The following SMYD3 variants were observed in gnomAD, a reference collection of about 807,000 sequenced individuals.
The protein encoded by SMYD3 is histone-lysine N-methyltransferase SMYD3.
Under a neutral mutation model 57.7 loss-of-function variants are expected in SMYD3, and 36 were observed. The observed-to-expected ratio is 0.62, with a 90% CI of 0.48 to 0.82. The LOEUF (loss-of-function observed/expected upper bound fraction) is 0.82. Ranked by LOEUF, SMYD3 falls within the 40% of genes least tolerant of loss-of-function variation. The probability of loss-of-function intolerance (pLI) is 0.00; values close to 1 mark genes in which losing one functional copy is unlikely to be tolerated. For missense variants in SMYD3, 515 were observed against 538.8 expected, an observed-to-expected ratio of 0.96 and a Z score of 0.44; for synonymous variants, 211 against 195.0, an observed-to-expected ratio of 1.08 and a Z score of -0.68.
chr1:246,459,510 TGC>T (rs1233057757), intron 1 of SMYD3, among the ~76,000 whole-genome samples: 2 of 152,126 alleles, frequency 1.3e-5, no homozygotes, highest in Non-Finnish European at 2.9e-5. Context: ...TATTTGAAAG[TGC>T]GTGGCACGTC....
intron 5 of SMYD3, among the ~76,000 whole-genome samples, chr1:246,123,491 C>T (rs576364579): frequency 3.3e-5 from 5 of 151,720 alleles, no homozygotes; most frequent in African/African-American, 9.7e-5. Context: ...AGCTTGAACC[C>T]GGGAGGCAGA....
chr1:246,496,076 C>T (rs1251311136), intron 1 of SMYD3, among the ~76,000 whole-genome samples: 2 of 151,710 alleles, frequency 1.3e-5, no homozygotes, highest in Non-Finnish European at 2.9e-5. Flanking sequence ...CTCACTCTGT[C>T]GCCAGGCTGG....
chr1:246,091,056 T>G (rs893404653), intron 5 of SMYD3, among the ~76,000 whole-genome samples: 2 of 152,090 alleles, frequency 1.3e-5, no homozygotes, highest in Non-Finnish European at 2.9e-5. Context: ...GTTAGAACCA[T>G]ATCAAATCAG....
chr1:245,846,249 G>A (rs776680609), intron 10 of SMYD3, among the ~76,000 whole-genome samples: 4 of 152,180 alleles, frequency 2.6e-5, no homozygotes, highest in Admixed American at 6.5e-5. Flanking sequence ...TCAGTCCGAC[G>A]GCCCAGACTG....
intron 5 of SMYD3, among the ~76,000 whole-genome samples, chr1:246,065,946 AT>A (rs1212365708): frequency 6.6e-6 from 1 of 151,976 alleles, no homozygotes; most frequent in East Asian, 1.9e-4. Flanking sequence ...TTTTCATTTC[AT>A]TTTTTTCTCC....
Position 245,971,624 on chromosome 1 carries a change from C to T in SMYD3, c.532-41687G>A, listed in dbSNP as rs148568220. On this transcript the variant is annotated intron_variant, in intron 5 of 11. Coordinates refer to ENST00000490107, the MANE Select transcript of SMYD3 (RefSeq NM_001167740.2). ...GTTCTCTCTGAAACATCCCCACTAA[C>T]GGGGATGTCCCTTGAAGGCCGCAGG... is the stretch of plus-strand genomic sequence containing the variant. Among the ~76,000 whole-genome samples, 1,487 of 152,274 alleles carry T rather than the reference C, an allele frequency of 9.8e-3. 29 individuals carry two copies. Among genetic ancestry groups the T allele is most frequent in the African/African-American group, 0.034 (1,400 of 41,540 alleles).
At chr1:246,329,645 T>A (rs1334626560) in intron 4 of SMYD3, among the ~76,000 whole-genome samples, 4 of 152,208 alleles carry the variant, frequency 2.6e-5, no homozygotes, top group Non-Finnish European at 5.9e-5. Context: ...GTAGGTTGCC[T>A]GTTCACTCTG....
intron 1 of SMYD3, among the ~76,000 whole-genome samples, chr1:246,445,415 G>A (rs958528133): frequency 6.6e-6 from 1 of 152,234 alleles, no homozygotes; most frequent in East Asian, 1.9e-4. Context: ...CCCTAAAATT[G>A]CCTTCCATGA....
intron 5 of SMYD3, among the ~76,000 whole-genome samples, chr1:246,325,561 C>T (rs1392991249): frequency 2.0e-5 from 3 of 152,146 alleles, no homozygotes; most frequent in South Asian, 2.1e-4. Context: ...AATTGGTACA[C>T]TTAATCATAG....
chr1:246,438,503 C>A lies in SMYD3; in HGVS notation c.164+68551G>T, dbSNP rs1459664548. Among the ~76,000 whole-genome samples, 4 of 152,056 alleles carry A rather than the reference C, an allele frequency of 2.6e-5. No individual in the cohort carries two copies. The East Asian group carries it at 7.7e-4, about 29-fold the overall frequency. ...GTACTCTTCCCTCCCTTGTATCCTC[C>A]AGGGATTGATTCCAGGACACCAACC... On this transcript the variant is annotated intron_variant, in intron 1 of 11. Coordinates refer to ENST00000490107, the MANE Select transcript of SMYD3 (RefSeq NM_001167740.2).
chr1:246,119,892 G>A (rs2061399247), intron 5 of SMYD3, among the ~76,000 whole-genome samples: 1 of 152,148 alleles, frequency 6.6e-6, no homozygotes, highest in Admixed American at 6.6e-5. Context: ...TCGTGGCTGA[G>A]ATCCCTATAA....
At chr1:246,315,956 CTATTACAAAATTTAATAGAGCAGTT>C (rs1305351949) in intron 5 of SMYD3, among the ~76,000 whole-genome samples, 1 of 152,178 alleles carries the variant, frequency 6.6e-6, no homozygotes, top group Non-Finnish European at 1.5e-5. Flanking sequence ...CTGTTTCTGC[CTATTACAAAATTTAATAGAGCAGTT>C]TATCACAGTT....
intron 5 of SMYD3, among the ~76,000 whole-genome samples, chr1:246,150,710 G>A (rs1294423884): frequency 6.6e-6 from 1 of 152,182 alleles, no homozygotes; most frequent in Non-Finnish European, 1.5e-5. Flanking sequence ...CCCAGCCGTG[G>A]AAGTCCAGGG....
At chr1:246,462,877 AAAAG>A (rs1484644726) in intron 1 of SMYD3, among the ~76,000 whole-genome samples, 6 of 152,306 alleles carry the variant, frequency 3.9e-5, no homozygotes, top group Admixed American at 2.6e-4. Context: ...TGAGTAGAAA[AAAAG>A]AAAGAAAAAA....
chr1:246,029,822 T>C (rs1242827456), intron 5 of SMYD3, among the ~76,000 whole-genome samples: 1 of 151,872 alleles, frequency 6.6e-6, no homozygotes, highest in East Asian at 1.9e-4. Context: ...AGGATGGCTG[T>C]TATCAAAAAA....
intron 5 of SMYD3, chr1:245,930,825 G>A (rs770775852): frequency 6.6e-6 from 1 of 152,180 alleles, no homozygotes; most frequent in African/African-American, 2.4e-5. Context: ...GTAGATAAAT[G>A]CCAAGGAGAG....
chr1:246,081,363 G>T (rs1446633979), intron 5 of SMYD3, among the ~76,000 whole-genome samples: 1 of 152,122 alleles, frequency 6.6e-6, no homozygotes, highest in Non-Finnish European at 1.5e-5. Flanking sequence ...AGAAACGGAA[G>T]ACTTTTTGTT....
rs34560740 is a variant in SMYD3 at position 246,379,081 on chromosome 1, TAC to T, written c.165-23989_165-23988del. On this transcript the variant is annotated intron_variant, in intron 1 of 11. Coordinates refer to ENST00000490107, the MANE Select transcript of SMYD3 (RefSeq NM_001167740.2). ...ATATATATACTTACACACACATACA[TAC>T]ACACACACACACACACACACACACA... is the stretch of plus-strand genomic sequence containing the variant. 6.0e-3 allele frequency among the ~76,000 whole-genome samples: 787 copies of T among 130,494 alleles called. 7 individuals are homozygous for T. The highest frequency in any genetic ancestry group is 0.017 in the African/African-American group (596 of 35,688). The allele number at this position is 130,494 out of a possible 152,430, so 85.6% of individuals were successfully genotyped here. A position where few individuals can be genotyped will look rare whatever the true frequency, so the allele number is the denominator to read the frequency against.
intron 5 of SMYD3, among the ~76,000 whole-genome samples, chr1:246,200,933 A>C (rs1490654821): frequency 6.6e-6 from 1 of 152,226 alleles, no homozygotes; most frequent in Non-Finnish European, 1.5e-5. Flanking sequence ...CATGTGAAAC[A>C]TTAAATCCAT....
Sources: allele counts gnomAD v4.1 joint callset (sites outside exome capture counted in the v4.1 genomes callset), GRCh38; gene constraint gnomAD v4.1.1; transcripts MANE v1.5; gene names NCBI Gene and HGNC (gene_info 2026-07-23, HGNC 2026-07-21).